WIPI2: variants seen among roughly 807,000 people sequenced by gnomAD.
WIPI2 encodes WD repeat domain phosphoinositide-interacting protein 2.
WIPI2 carries 28 observed loss-of-function variants against 52.3 expected under a neutral mutation model. That is an observed-to-expected ratio of 0.54 (90% CI 0.40 to 0.73). The LOEUF is 0.73. Among genes scored for constraint, WIPI2 ranks in the 30% least tolerant of loss-of-function variants. The pLI, the probability that WIPI2 is intolerant of heterozygous loss-of-function variation, is 0.00. For missense variants in WIPI2, 506 were observed against 602.9 expected, an observed-to-expected ratio of 0.84 and a Z score of 1.68; for synonymous variants, 268 against 245.0, an observed-to-expected ratio of 1.09 and a Z score of -0.88.
chr7:5,222,530 G>C (rs911456684), intron 7 of WIPI2, 72 bp from the exon 8 acceptor site: 1 of 1,484,728 alleles, frequency 6.7e-7, no homozygotes, highest in African/African-American at 1.4e-5. Flanking sequence ...CGCATTTGCA[G>C]TCTGCTGTGA....
chr7:5,229,226 A>C (rs894585366), intron 11 of WIPI2, among the ~76,000 whole-genome samples: 1 of 152,146 alleles, frequency 6.6e-6, no homozygotes, highest in South Asian at 2.1e-4. Context: ...TGTGTTAGCC[A>C]GGATGGTCTC....
intron 7 of WIPI2, among the ~76,000 whole-genome samples, chr7:5,220,415 G>C (rs1783058921): frequency 6.6e-6 from 1 of 150,806 alleles, no homozygotes; most frequent in South Asian, 2.1e-4. Flanking sequence ...GCTAATTTTT[G>C]TATTTTGAGT....
Position 5,197,658 on chromosome 7 carries a change from A to C in WIPI2, c.129-1918A>C, listed in dbSNP as rs1234457394. On this transcript the variant is annotated intron_variant, in intron 2 of 12. Coordinates refer to ENST00000288828, the MANE Select transcript of WIPI2 (RefSeq NM_015610.4). ...ATTATAGCAACTCTTCTTGGAATAC[A>C]TTTCTTCCACATACGTGTGAAAGAG... Among the ~76,000 whole-genome samples the C allele has an allele frequency of 2.6e-5, 4 of 152,172 alleles. No homozygotes were observed. The East Asian group carries it at 7.7e-4, about 29-fold the overall frequency.
intron 3 of WIPI2, among the ~76,000 whole-genome samples, chr7:5,206,660 A>C (rs1782309319): frequency 6.6e-6 from 1 of 152,246 alleles, no homozygotes; most frequent in Admixed American, 6.5e-5. Flanking sequence ...TGAAAAGTGG[A>C]AAGTATTTTA....
In WIPI2 at chr7:5,228,186, G is replaced by A. The variant is rs1306427925; in HGVS notation, c.1096G>A (p.Glu366Lys). Residue 366 changes from glutamate to lysine, a missense_variant, in exon 11 of 13, where the codon GAG becomes AAG. Glu to Lys is a moderately conservative substitution (Grantham distance 56, BLOSUM62 1). Coordinates refer to ENST00000288828, the MANE Select transcript of WIPI2 (RefSeq NM_015610.4). ...MYNLDPQEGG[E>K]CALMKQHRLD... Reference sequence around the variant, plus strand: ...CAACCTGGACCCCCAGGAGGGCGGCGAGTGTGCCCTGATGAAGCAGCACCG... The same window carrying A: ...CAACCTGGACCCCCAGGAGGGCGGCAAGTGTGCCCTGATGAAGCAGCACCG... 6.2e-6 allele frequency: 10 copies of A among 1,613,454 alleles called. No homozygotes were observed. The highest frequency in any genetic ancestry group is 1.3e-5 in the African/African-American group (1 of 74,944).
chr7:5,220,896 C>T (rs184720551), intron 7 of WIPI2, among the ~76,000 whole-genome samples: 5 of 151,696 alleles, frequency 3.3e-5, no homozygotes, highest in East Asian at 1.9e-4. Context: ...GGGGCTCAAG[C>T]GATTCTCGTG....
chr7:5,215,261 A>G (rs917302918), intron 4 of WIPI2, among the ~76,000 whole-genome samples: 1 of 46,566 alleles, frequency 2.1e-5, no homozygotes, highest in Non-Finnish European at 4.4e-5. Context: ...CAGTGAGCCA[A>G]GGTCATGTCA....
rs1783502829 is a variant in WIPI2, at chr7:5,227,625, A to AGTGTGCCGTGAGTGTGC, written c.1013+281_1013+282insGTGTGCCGTGAGTGTGC. Among the ~76,000 whole-genome samples, 1 of 151,912 alleles carries AGTGTGCCGTGAGTGTGC rather than the reference A, an allele frequency of 6.6e-6. No homozygotes were observed. The highest frequency in any genetic ancestry group is 2.1e-4 in the South Asian group (1 of 4,808). On this transcript the variant is annotated intron_variant, in intron 10 of 12. Transcript: ENST00000288828. The surrounding 1 kb of genome is among the most constrained non-coding windows in gnomAD (Gnocchi z 8.1). ...AAACCTCGTGAGTGTGCCGTAGTTA[A>AGTGTGCCGTGAGTGTGC]CCCTTTGGGGCCACAGAAACCGCAC...
intron 7 of WIPI2, among the ~76,000 whole-genome samples, chr7:5,219,757 TTCATTCTC>T (rs1192748905): frequency 6.6e-6 from 1 of 152,158 alleles, no homozygotes; most frequent in Non-Finnish European, 1.5e-5. Context: ...CAGAAAATAG[TTCATTCTC>T]TAATTCTCAA....
rs1783201574 is a variant in WIPI2 at position 5,222,656 on chromosome 7, C to T, written c.724C>T (p.Arg242Trp). Residue 242 changes from arginine to tryptophan, a missense_variant, in exon 8 of 13, where the codon CGG (arginine) becomes TGG (tryptophan). Around this residue, in one of 4 missense-constraint regions of WIPI2, gnomAD observed 237 missense variants for 346.9 expected, o/e 0.68. Transcript: ENST00000288828. ...AGAAGGACAAAAACTCTTTGAGTTT[C>T]GGAGAGGAGTAAAGAGGTAAAGTAC... is the stretch of plus-strand genomic sequence containing the variant. ...IPEGQKLFEFRRGVKRCVSIC... is the reference protein window; with the variant it reads ...IPEGQKLFEFWRGVKRCVSIC... The T allele has an allele frequency of 1.2e-6, 2 of 1,613,914 alleles. No homozygotes were observed. Among genetic ancestry groups the T allele is most frequent in the Non-Finnish European group, 1.7e-6 (2 of 1,179,888 alleles).
intron 2 of WIPI2, among the ~76,000 whole-genome samples, chr7:5,194,388 C>T (rs1281538362): frequency 6.6e-6 from 1 of 152,108 alleles, no homozygotes; most frequent in African/African-American, 2.4e-5. Context: ...GAAGGAGAGT[C>T]TTTACGGACT....
rs761441325 is a variant in WIPI2 at position 5,214,511 on chromosome 7, A to C, written c.212-24A>C. 5 of 1,614,038 alleles carry C rather than the reference A, an allele frequency of 3.1e-6. No individual in the cohort carries two copies. The African/African-American group carries it at 4.0e-5, about 13-fold the overall frequency. ...CATAGCCATGTGGAGATGTTCACGC[A>C]TGTACTTCCCTTTGTGATTTCAGCC... On this transcript the variant is annotated intron_variant, in intron 3 of 12. Transcript: ENST00000288828.
chr7:5,214,489 A>G, intron 3 of WIPI2, 46 bp from the exon 4 acceptor site: 1 of 1,614,120 alleles, frequency 6.2e-7, no homozygotes, highest in Non-Finnish European at 8.5e-7. Context: ...CTGTGGCCAT[A>G]GCCATGTGGA....
rs375083613 is a variant in WIPI2, at chr7:5,222,693, G to T, written c.740+21G>T. 22 of 1,606,466 alleles carry T rather than the reference G, an allele frequency of 1.4e-5. No individual in the cohort carries two copies. The African/African-American group carries it at 2.5e-4, about 19-fold the overall frequency. On this transcript the variant is annotated intron_variant, in intron 8 of 12. Coordinates refer to ENST00000288828, the MANE Select transcript of WIPI2 (RefSeq NM_015610.4). ...AAGAGGTAAAGTACGTGAATGTCCA[G>T]AATGGATTCTGGAGGTTGTATTTGG... is the stretch of plus-strand genomic sequence containing the variant.
chr7:5,220,067 C>G (rs978218028), intron 7 of WIPI2, among the ~76,000 whole-genome samples: 2 of 152,056 alleles, frequency 1.3e-5, no homozygotes, highest in Admixed American at 1.3e-4. Context: ...AACTCCTGAG[C>G]TCAAGCGATC....
intron 8 of WIPI2, among the ~76,000 whole-genome samples, chr7:5,224,532 A>AT (rs1418869015): frequency 2.0e-4 from 31 of 152,342 alleles, no homozygotes; most frequent in African/African-American, 6.0e-4. Flanking sequence ...TACTACTCAA[A>AT]TCAGTCTGTC....
intron 11 of WIPI2, 132 bp from the exon 12 acceptor site, chr7:5,229,476 G>A (rs1304014368): frequency 2.6e-5 from 29 of 1,099,902 alleles, no homozygotes; most frequent in East Asian, 1.6e-4. Flanking sequence ...AAGTTGCCAC[G>A]GCGTGATGAA....
At chr7:5,196,250 G>A (rs1781739244) in intron 2 of WIPI2, among the ~76,000 whole-genome samples, 1 of 152,014 alleles carries the variant, frequency 6.6e-6, no homozygotes, top group Non-Finnish European at 1.5e-5. Context: ...CTGGAAGGCT[G>A]AGGCAGGAGA....
intron 7 of WIPI2, among the ~76,000 whole-genome samples, chr7:5,219,190 C>CA (rs1351024163): frequency 6.6e-6 from 1 of 152,178 alleles, no homozygotes; most frequent in Non-Finnish European, 1.5e-5. Context: ...TTCTCTGTTT[C>CA]ATAGCAAGGG....
Sources: gnomAD v4.1 joint callset for allele counts (sites outside exome capture counted in the v4.1 genomes callset) on GRCh38, gnomAD v4.1.1 for gene constraint, gnomAD v4.1.1 regional missense constraint, Gnocchi (gnomAD v3.1) non-coding constraint, MANE v1.5 for transcripts, NCBI Gene and HGNC (gene_info 2026-07-23, HGNC 2026-07-21) for gene names.